Variants in TNFAIP8 observed in about 807,000 individuals in gnomAD.
The protein encoded by TNFAIP8 is TNF alpha induced protein 8.
In TNFAIP8, 7 loss-of-function variants were observed where a neutral mutation model predicts 13.3. The ratio of observed to expected loss-of-function variants is 0.52; its 90% confidence interval spans 0.30 to 0.99. The LOEUF is 0.99. Among genes scored for constraint, TNFAIP8 ranks in the 50% least tolerant of loss-of-function variants. TNFAIP8 has a pLI of 0.07. For synonymous variants in TNFAIP8, 94 were observed against 87.6 expected (o/e 1.07, Z -0.41); for missense variants, 258 against 236.9 (o/e 1.09, Z -0.58).
chr5:119,377,552 A>G (rs547336006), intron 1 of TNFAIP8, among the ~76,000 whole-genome samples: 33 of 152,122 alleles, frequency 2.2e-4, no homozygotes, highest in Non-Finnish European at 4.1e-4. Context: ...GGATCATTGT[A>G]AATTTGTCAA....
chr5:119,307,362 T>C (rs971283584), intron 1 of TNFAIP8, among the ~76,000 whole-genome samples: 1 of 152,216 alleles, frequency 6.6e-6, no homozygotes, highest in South Asian at 2.1e-4. Flanking sequence ...ATTATATTTA[T>C]AAGTTTCTGG....
chr5:119,381,761 C>T (rs1244315922), intron 1 of TNFAIP8, among the ~76,000 whole-genome samples: 5 of 151,774 alleles, frequency 3.3e-5, no homozygotes, highest in African/African-American at 7.3e-5. Context: ...GGTGAAACCC[C>T]GTCTCTACTA....
At chr5:119,351,213 G>A (rs915561061), upstream of TNFAIP8, among the ~76,000 whole-genome samples, 1 of 152,058 alleles carries the variant, frequency 6.6e-6, no homozygotes, top group Non-Finnish European at 1.5e-5. Flanking sequence ...TTTTTGTAGA[G>A]TTAGGGTCTC....
intron 1 of TNFAIP8, among the ~76,000 whole-genome samples, chr5:119,280,383 A>G (rs1748592450): frequency 6.8e-6 from 1 of 146,960 alleles, no homozygotes; most frequent in South Asian, 2.1e-4. Context: ...CCCCTCTACC[A>G]GAGTCTCCTT....
At chr5:119,354,959 CTT>C (rs570473053), upstream of TNFAIP8, 5 of 180,886 alleles carry the variant, frequency 2.8e-5, no homozygotes, top group African/African-American at 1.2e-4. Flanking sequence ...TATTTGAGGA[CTT>C]TTTGCCTCAG....
intron 1 of TNFAIP8, among the ~76,000 whole-genome samples, chr5:119,325,817 CCTT>C (rs1750208525): frequency 6.6e-6 from 1 of 152,216 alleles, no homozygotes; most frequent in Admixed American, 6.5e-5. Context: ...CCTGTCCCCT[CCTT>C]CCCCTGAAGC....
intron 1 of TNFAIP8, among the ~76,000 whole-genome samples, chr5:119,346,302 C>T (rs1351443333): frequency 6.6e-6 from 1 of 152,110 alleles, no homozygotes; most frequent in Non-Finnish European, 1.5e-5. Context: ...GAGCCAGTTG[C>T]TGAAGAAGGT....
intron 1 of TNFAIP8, among the ~76,000 whole-genome samples, chr5:119,287,958 A>C (rs1380936610): frequency 2.0e-5 from 3 of 152,184 alleles, no homozygotes; most frequent in Non-Finnish European, 4.4e-5. Flanking sequence ...GACAGTCACC[A>C]CCTTGTACGT....
At chr5:119,349,756 A>G (rs1751049203) in intron 1 of TNFAIP8, among the ~76,000 whole-genome samples, 1 of 152,280 alleles carries the variant, frequency 6.6e-6, no homozygotes, top group Non-Finnish European at 1.5e-5. Context: ...GAATGGCTTC[A>G]GTTTAAAGCT....
chr5:119,314,203 A>C (rs1749817717), intron 1 of TNFAIP8, among the ~76,000 whole-genome samples: 3 of 145,614 alleles, frequency 2.1e-5, no homozygotes, highest in African/African-American at 7.6e-5. Flanking sequence ...ACAAACAAAC[A>C]AAAAAACCAT....
rs540760017 is a variant in TNFAIP8 at position 119,350,784 on chromosome 5, A to C, written c.2-42032A>C. Among the ~76,000 whole-genome samples, 5 of 152,210 alleles carry C rather than the reference A, an allele frequency of 3.3e-5. 1 individual carries two copies. In the South Asian group the frequency reaches 1.0e-3, roughly 32 times the overall value. ...AGACTGAGGAGAGGGATTACCCATA[A>C]CTTCAAACTCCCAGGACTGGCCACC... On this transcript the variant is annotated intron_variant, in intron 1 of 1. Transcript: ENST00000274456.
intron 1 of TNFAIP8, among the ~76,000 whole-genome samples, chr5:119,387,612 C>CT (rs567890233): frequency 6.6e-6 from 1 of 151,898 alleles, no homozygotes; most frequent in Admixed American, 6.6e-5. Context: ...TAACAAAGGA[C>CT]TTTTTTTTCC....
chr5:119,376,563 C>CCA (rs535040269), intron 1 of TNFAIP8, among the ~76,000 whole-genome samples: 2 of 114,714 alleles, frequency 1.7e-5, no homozygotes, highest in African/African-American at 9.5e-5. Context: ...TGTCTTCCCA[C>CCA]CCCCCCCGTC....
At chr5:119,356,282 G>T (rs1368139837) in intron 1 of TNFAIP8, among the ~76,000 whole-genome samples, 161 bp downstream of exon 1, 1 of 152,142 alleles carries the variant, frequency 6.6e-6, no homozygotes, top group African/African-American at 2.4e-5. Flanking sequence ...GCGGAGCCCG[G>T]GTCTCATCTT....
chr5:119,307,566 T>TG (rs775677282), intron 1 of TNFAIP8, among the ~76,000 whole-genome samples: 65 of 152,254 alleles, frequency 4.3e-4, no homozygotes, highest in Admixed American at 1.0e-3. Flanking sequence ...CATCTCTATG[T>TG]ATCCATTCAT....
upstream of TNFAIP8, chr5:119,354,472 A>G (rs2112767533): frequency 6.6e-6 from 1 of 152,296 alleles, no homozygotes. Flanking sequence ...TATTTATAAT[A>G]GCCTTCACTG....
chr5:119,344,431 C>T (rs1387069953), intron 1 of TNFAIP8, among the ~76,000 whole-genome samples: 1 of 152,200 alleles, frequency 6.6e-6, no homozygotes, highest in African/African-American at 2.4e-5. Context: ...GCCCCACCTC[C>T]ATCACATTTC....
chr5:119,289,541 C>T (rs73250803), intron 1 of TNFAIP8, among the ~76,000 whole-genome samples: 1,540 of 152,312 alleles, frequency 0.01, 17 homozygotes, highest in African/African-American at 0.035. Context: ...TTATGAAATG[C>T]TATCAGTTTC....
chr5:119,288,608 C>G (rs900763122), intron 1 of TNFAIP8, among the ~76,000 whole-genome samples: 1 of 152,208 alleles, frequency 6.6e-6, no homozygotes, highest in Non-Finnish European at 1.5e-5. Flanking sequence ...GGCAGCCTTT[C>G]CTTATCAACA....
Sources: allele counts gnomAD v4.1 joint callset (sites outside exome capture counted in the v4.1 genomes callset), GRCh38; gene constraint gnomAD v4.1.1; transcripts MANE v1.5; gene names NCBI Gene and HGNC (gene_info 2026-07-23, HGNC 2026-07-21).